The following C8orf34 variants were observed in gnomAD, a reference collection of about 807,000 sequenced individuals.
C8orf34 encodes the protein uncharacterized protein C8orf34.
In C8orf34, 65 loss-of-function variants were observed where a neutral mutation model predicts 68.3. That is an observed-to-expected ratio of 0.95 (90% CI 0.78 to 1.17). The LOEUF (loss-of-function observed/expected upper bound fraction) is 1.17, where lower values mean the gene tolerates loss of function less well. C8orf34 is among the 50% of genes most tolerant of loss of function. C8orf34 has a pLI of 0.00. For missense variants in C8orf34, 664 were observed against 655.4 expected, an observed-to-expected ratio of 1.01 and a Z score of -0.14; for synonymous variants, 244 against 241.2, an observed-to-expected ratio of 1.01 and a Z score of -0.11.
intron 8 of C8orf34, among the ~76,000 whole-genome samples, chr8:68,647,250 C>A (rs1191346625): frequency 2.0e-5 from 3 of 152,034 alleles, no homozygotes; most frequent in African/African-American, 7.2e-5. Context: ...AAGATATTGC[C>A]TAACACCTGA....
rs538489608 is a variant in C8orf34 at position 68,786,500 on chromosome 8, G to A, written c.1456-943G>A. Among the ~76,000 whole-genome samples, 28 of 152,248 alleles carry A rather than the reference G, an allele frequency of 1.8e-4. No homozygotes were observed. The South Asian group carries it at 5.6e-3, about 30-fold the overall frequency. On this transcript the variant is annotated intron_variant, in intron 11 of 13. Coordinates refer to ENST00000518698, the MANE Select transcript of C8orf34 (RefSeq NM_052958.4). ...ATGGTATGATTCTATTGGTATAATA[G>A]GCACATAAAGGAATAGAGGAGTAAC... is the stretch of plus-strand genomic sequence containing the variant.
intron 7 of C8orf34, among the ~76,000 whole-genome samples, chr8:68,572,546 A>G (rs1816788596): frequency 6.6e-6 from 1 of 151,884 alleles, no homozygotes; most frequent in Admixed American, 6.6e-5. Context: ...AAGTATTTAT[A>G]ATCTTGATAC....
chr8:68,510,467 T>A (rs1814218135), intron 5 of C8orf34, among the ~76,000 whole-genome samples: 1 of 152,204 alleles, frequency 6.6e-6, no homozygotes, highest in Non-Finnish European at 1.5e-5. Flanking sequence ...ATTCCTCTTG[T>A]TCTTTTGGAG....
intron 10 of C8orf34, among the ~76,000 whole-genome samples, chr8:68,746,919 G>A (rs1261765512): frequency 1.3e-5 from 2 of 152,016 alleles, no homozygotes; most frequent in Non-Finnish European, 2.9e-5. Flanking sequence ...AAGCCGGACA[G>A]AGACACAACC....
intron 10 of C8orf34, among the ~76,000 whole-genome samples, chr8:68,750,832 T>C (rs1416141848): frequency 6.6e-6 from 1 of 152,166 alleles, no homozygotes; most frequent in Non-Finnish European, 1.5e-5. Flanking sequence ...ACAGACATTA[T>C]TTCTAATTTT....
intron 8 of C8orf34, among the ~76,000 whole-genome samples, chr8:68,661,274 T>C (rs1251518873): frequency 6.6e-6 from 1 of 152,218 alleles, no homozygotes; most frequent in East Asian, 1.9e-4. Flanking sequence ...GACCTGGTGC[T>C]CCATTTGTTT....
At chr8:68,809,139 C>A (rs974998195) in intron 12 of C8orf34, among the ~76,000 whole-genome samples, 1 of 152,126 alleles carries the variant, frequency 6.6e-6, no homozygotes, top group Admixed American at 6.5e-5. Context: ...TCAAGTGCAT[C>A]TACAGTTGCC....
At chr8:68,485,728 T>TAAA (rs989529981) in intron 4 of C8orf34, among the ~76,000 whole-genome samples, 18 of 144,848 alleles carry the variant, frequency 1.2e-4, no homozygotes, top group Admixed American at 6.9e-5. Context: ...AAATAAAAAA[T>TAAA]AAATAAATAA....
At chr8:68,703,862 C>G (rs1055310979) in intron 8 of C8orf34, among the ~76,000 whole-genome samples, 2 of 152,038 alleles carry the variant, frequency 1.3e-5, no homozygotes, top group Non-Finnish European at 2.9e-5. Flanking sequence ...CTGCCTCACA[C>G]CCTGCATTGG....
At chr8:68,429,151 C>A (rs1038687863) in intron 1 of C8orf34, among the ~76,000 whole-genome samples, 3 of 152,160 alleles carry the variant, frequency 2.0e-5, no homozygotes, top group African/African-American at 4.8e-5. Context: ...AAAAGGCAAT[C>A]CCCCCATACA....
intron 7 of C8orf34, among the ~76,000 whole-genome samples, chr8:68,577,026 A>G (rs1422701936): frequency 6.6e-6 from 1 of 151,944 alleles, no homozygotes; most frequent in Non-Finnish European, 1.5e-5. Context: ...ATATTTAAAT[A>G]CCTCTCCACC....
chr8:68,331,149 G>A lies in C8orf34; in HGVS notation c.137G>A (p.Gly46Glu). ...ARGRGRASHA[G>E]QPRLRSSCPG... Reference sequence around the variant, plus strand: ...GGCCGGGGCCGAGCCAGCCACGCAGGGCAGCCGAGGCTCCGGAGCTCCTGT... The same window carrying A: ...GGCCGGGGCCGAGCCAGCCACGCAGAGCAGCCGAGGCTCCGGAGCTCCTGT... Residue 46 changes from glycine to glutamate, a missense_variant, in exon 1 of 14, where the codon GGG becomes GAG. Transcript: ENST00000518698. The A allele has an allele frequency of 6.5e-7, 1 of 1,528,072 alleles. No individual in the cohort carries two copies. Among genetic ancestry groups the A allele is most frequent in the Non-Finnish European group, 8.8e-7 (1 of 1,141,600 alleles). The allele number at this position is 1,528,072 out of a possible 1,614,324, so 94.7% of individuals were successfully genotyped here.
intron 7 of C8orf34, among the ~76,000 whole-genome samples, chr8:68,540,076 T>C (rs1258541935): frequency 6.6e-6 from 1 of 152,106 alleles, no homozygotes. Flanking sequence ...TGATTTTTCT[T>C]TTAAAAATGT....
intron 1 of C8orf34, among the ~76,000 whole-genome samples, chr8:68,346,470 T>C (rs1419205462): frequency 6.6e-6 from 1 of 152,070 alleles, no homozygotes; most frequent in Non-Finnish European, 1.5e-5. Flanking sequence ...AAGTCTGTAG[T>C]TTACAGTAGG....
intron 7 of C8orf34, among the ~76,000 whole-genome samples, chr8:68,565,611 C>T (rs1816563632): frequency 6.7e-6 from 1 of 149,380 alleles, no homozygotes; most frequent in African/African-American, 2.5e-5. Flanking sequence ...CAGAATGAGT[C>T]CATCTTTTGT....
At chr8:68,522,866 T>A (rs1814817797) in intron 6 of C8orf34, among the ~76,000 whole-genome samples, 1 of 152,120 alleles carries the variant, frequency 6.6e-6, no homozygotes, top group African/African-American at 2.4e-5. Context: ...ACAGAAGAGT[T>A]TTTCCTGTGC....
chr8:68,733,784 A>G (rs184876941), intron 10 of C8orf34, among the ~76,000 whole-genome samples: 31 of 152,338 alleles, frequency 2.0e-4, no homozygotes, highest in African/African-American at 7.0e-4. Flanking sequence ...CAGAATTGAA[A>G]TCTTAACTTC....
chr8:68,776,276 A>T (rs529051721), intron 10 of C8orf34, 123 bp from the exon 11 acceptor site: 1 of 715,568 alleles, frequency 1.4e-6, no homozygotes, highest in African/African-American at 1.8e-5. Flanking sequence ...ACAAGTATCA[A>T]CTGAAAAGGT....
At chr8:68,651,108 C>T (rs944166412) in intron 8 of C8orf34, among the ~76,000 whole-genome samples, 1 of 152,182 alleles carries the variant, frequency 6.6e-6, no homozygotes, top group Non-Finnish European at 1.5e-5. Context: ...CCTTGATTAT[C>T]GAGAGGCGGA....
Sources: allele counts gnomAD v4.1 joint callset (sites outside exome capture counted in the v4.1 genomes callset), GRCh38; gene constraint gnomAD v4.1.1; transcripts MANE v1.5; gene names NCBI Gene and HGNC (gene_info 2026-07-23, HGNC 2026-07-21).